ADARB2: variants seen among roughly 807,000 people sequenced by gnomAD.
ADARB2 encodes the protein adenosine deaminase RNA specific B2 (inactive), also known as inactive double-stranded RNA-specific editase B2.
In ADARB2, 25 loss-of-function variants were observed where a neutral mutation model predicts 62.2. The ratio of observed to expected loss-of-function variants is 0.40; its 90% confidence interval spans 0.29 to 0.56. ADARB2 has a LOEUF of 0.56. Among genes scored for constraint, ADARB2 ranks in the 20% least tolerant of loss-of-function variants. The pLI is 0.43. For missense variants in ADARB2, 1,071 were observed against 1,077.4 expected (o/e 0.99, Z 0.08); for synonymous variants, 572 against 500.8 (o/e 1.14, Z -1.90).
intron 7 of ADARB2, among the ~76,000 whole-genome samples, chr10:1,207,515 G>T (rs1334126445): frequency 1.3e-5 from 2 of 152,202 alleles, no homozygotes; most frequent in Non-Finnish European, 2.9e-5. Context: ...AATCATGGAG[G>T]AAGGCGTCAG....
chr10:1,633,566 ATCTATCTATCTATCTATCTATC>A (rs1203962748), intron 1 of ADARB2, among the ~76,000 whole-genome samples: 1 of 147,468 alleles, frequency 6.8e-6, no homozygotes, highest in African/African-American at 2.5e-5. Context: ...CTATCTATCT[ATCTATCTATCTATCTATCTATC>A]TATCTATCTA....
intron 2 of ADARB2, among the ~76,000 whole-genome samples, chr10:1,375,931 C>T (rs986952935): frequency 6.8e-6 from 1 of 146,170 alleles, no homozygotes. Context: ...CATGCACACA[C>T]GTGCACAGAC....
chr10:1,264,830 A>C (rs1174219547), intron 4 of ADARB2, among the ~76,000 whole-genome samples: 2 of 152,214 alleles, frequency 1.3e-5, no homozygotes, highest in Non-Finnish European at 2.9e-5. Flanking sequence ...TTTCCAGGGC[A>C]GTTGTAAGTC....
intron 1 of ADARB2, among the ~76,000 whole-genome samples, chr10:1,685,622 A>G (rs537375939): frequency 6.6e-6 from 1 of 152,362 alleles, no homozygotes; most frequent in African/African-American, 2.4e-5. Flanking sequence ...GTTTTTGCTT[A>G]CTACATTAAA....
At chr10:1,308,997 T>A (rs1831658725) in intron 3 of ADARB2, among the ~76,000 whole-genome samples, 1 of 152,154 alleles carries the variant, frequency 6.6e-6, no homozygotes, top group African/African-American at 2.4e-5. Context: ...AGGGGAAAAG[T>A]CCCCAAAAAG....
chr10:1,673,846 C>T (rs1469796859), intron 1 of ADARB2, among the ~76,000 whole-genome samples: 3 of 152,246 alleles, frequency 2.0e-5, no homozygotes, highest in Admixed American at 2.0e-4. Context: ...TCAGCCACTT[C>T]CGGGATGGGA....
In ADARB2 at chr10:1,398,775, C is replaced by T. The variant is rs1411741660; in HGVS notation, c.101-19615G>A. On this transcript the variant is annotated intron_variant, in intron 1 of 9. Coordinates refer to ENST00000381312, the MANE Select transcript of ADARB2 (RefSeq NM_018702.4). The surrounding 1 kb of genome is among the most constrained non-coding windows in gnomAD (Gnocchi z 4.1). ...TCTCGGCTCTGCGTGGATTGGCGTG[C>T]CCGTTTACCTGAGAGGCCAGGTTCA... Among the ~76,000 whole-genome samples, 5 of 152,172 alleles carry T rather than the reference C, an allele frequency of 3.3e-5. No individual in the cohort carries two copies. Among genetic ancestry groups the T allele is most frequent in the Non-Finnish European group, 5.9e-5 (4 of 68,040 alleles).
intron 8 of ADARB2, among the ~76,000 whole-genome samples, chr10:1,193,153 C>T (rs561177932): frequency 1.7e-4 from 26 of 152,312 alleles, no homozygotes; most frequent in African/African-American, 5.8e-4. Context: ...TCTGCTGGGA[C>T]AGCAGTGATG....
intron 1 of ADARB2, among the ~76,000 whole-genome samples, chr10:1,561,177 A>C (rs1832780880): frequency 6.6e-6 from 1 of 152,216 alleles, no homozygotes; most frequent in South Asian, 2.1e-4. Context: ...GAGATACTTG[A>C]AATTCATTTT....
chr10:1,603,100 A>AACACACACACCTAT (rs531928838), intron 1 of ADARB2, among the ~76,000 whole-genome samples: 1 of 149,746 alleles, frequency 6.7e-6, no homozygotes, highest in South Asian at 2.1e-4. Context: ...TACACACATC[A>AACACACACACCTAT]ACACACACAC....
At position 1,370,937 on chromosome 10, in the gene ADARB2, A is replaced by T. The variant is rs1832364486; in HGVS notation, c.188-7020T>A. On this transcript the variant is annotated intron_variant, in intron 2 of 9. Transcript: ENST00000381312. ...AAATTCCAACATTATTTTTCACAGA[A>T]TTAGAAAAAACAATCCTAAAGTTCA... Among the ~76,000 whole-genome samples, 3 of 152,368 alleles carry T rather than the reference A, an allele frequency of 2.0e-5. No homozygotes were observed. In the South Asian group the frequency reaches 6.2e-4, roughly 32 times the overall value.
At chr10:1,462,962 C>A (rs1831198082) in intron 1 of ADARB2, among the ~76,000 whole-genome samples, 1 of 115,504 alleles carries the variant, frequency 8.7e-6, no homozygotes, top group African/African-American at 3.3e-5. Context: ...GAAACAGCCT[C>A]AAAACACGTC....
Position 1,185,000 on chromosome 10 carries a change from G to A in ADARB2, c.1904C>T (p.Pro635Leu), listed in dbSNP as rs1197418418. 4.3e-6 allele frequency: 7 copies of A among 1,613,516 alleles called. No homozygotes were observed. Among genetic ancestry groups the A allele is most frequent in the East Asian group, 2.2e-5 (1 of 44,868 alleles). ...DAEARQPGKS[P>L]PFSMNWVVGS... ...CACGACCCAGTTCATGCTGAAGGGG[G>A]GCGACTTCCCCGGCTGGCGCGCCTC... The change falls in exon 9 of 10, where the codon CCC becomes CTC. Residue 635 changes from proline (P) to leucine (L), a missense_variant. Transcript: ENST00000381312.
rs1831137527 is a variant in ADARB2 at position 1,261,608 on chromosome 10, T to C, written c.1192+9347A>G. ...ATCAAAACCACAATGAGATACCATC[T>C]CACACCAGGCAATCATTAAAAAGTC... On this transcript the variant is annotated intron_variant, in intron 4 of 9. Transcript: ENST00000381312. 2.0e-5 allele frequency among the ~76,000 whole-genome samples: 3 copies of C among 149,512 alleles called. No homozygotes were observed. The South Asian group carries it at 6.2e-4, about 31-fold the overall frequency.
At chr10:1,518,108 A>G (rs1832028752) in intron 1 of ADARB2, among the ~76,000 whole-genome samples, 1 of 152,228 alleles carries the variant, frequency 6.6e-6, no homozygotes, top group Non-Finnish European at 1.5e-5. Context: ...TGTACGTGAG[A>G]GGCCAACCCG....
At chr10:1,429,462 A>T (rs1830756859) in intron 1 of ADARB2, among the ~76,000 whole-genome samples, 1 of 152,114 alleles carries the variant, frequency 6.6e-6, no homozygotes, top group African/African-American at 2.4e-5. Flanking sequence ...CAATAAGAAG[A>T]CTCCGTAAAG....
At chr10:1,432,397 T>C (rs921646138) in intron 1 of ADARB2, among the ~76,000 whole-genome samples, 1 of 151,982 alleles carries the variant, frequency 6.6e-6, no homozygotes, top group Non-Finnish European at 1.5e-5. Flanking sequence ...AAAGTAAATA[T>C]AGGTATGAAG....
Position 1,664,497 on chromosome 10 carries a change from G to C in ADARB2, c.100+72554C>G, listed in dbSNP as rs566719262. ...AACGACCCACAAATGCTGCTGTCAC[G>C]GCTTCTTTCTAAGAGGCTTCACGGT... On this transcript the variant is annotated intron_variant, in intron 1 of 9. Transcript: ENST00000381312. Among the ~76,000 whole-genome samples the C allele has an allele frequency of 4.6e-5, 7 of 152,268 alleles. No homozygotes were observed. The South Asian group carries it at 1.5e-3, about 32-fold the overall frequency.
chr10:1,653,285 G>A (rs1336241916), intron 1 of ADARB2, among the ~76,000 whole-genome samples: 1 of 152,204 alleles, frequency 6.6e-6, no homozygotes. Context: ...AGGACTTGGG[G>A]AGACAGCATG....
Sources: allele counts gnomAD v4.1 joint callset (sites outside exome capture counted in the v4.1 genomes callset), GRCh38; gene constraint gnomAD v4.1.1; non-coding constraint Gnocchi (gnomAD v3.1); transcripts MANE v1.5; gene names NCBI Gene and HGNC (gene_info 2026-07-23, HGNC 2026-07-21).